Variants in EIF2D observed in about 807,000 individuals in gnomAD.
EIF2D encodes the protein eukaryotic translation initiation factor 2D.
A neutral mutation model predicts 77.4 loss-of-function variants in EIF2D; 56 were observed. The ratio of observed to expected loss-of-function variants is 0.72; its 90% CI spans 0.58 to 0.90. The LOEUF (loss-of-function observed/expected upper bound fraction) is 0.90. Ranked by LOEUF, EIF2D falls within the 40% of genes least tolerant of loss-of-function variation. The pLI, the probability that EIF2D is intolerant of heterozygous loss-of-function variation, is 0.00. For synonymous variants in EIF2D, 230 were observed against 271.0 expected (o/e 0.85, Z 1.49); for missense variants, 574 against 706.5 (o/e 0.81, Z 2.13).
intron 5 of EIF2D, among the ~76,000 whole-genome samples, chr1:206,603,947 A>G (rs547507210): frequency 7.0e-6 from 1 of 143,350 alleles, no homozygotes; most frequent in Admixed American, 7.2e-5. Context: ...AATACCATAA[A>G]TATTTTTTTC....
Position 206,599,937 on chromosome 1 carries a change from A to G in EIF2D, c.949-101T>C. On this transcript the variant is annotated intron_variant, in intron 8 of 14. Transcript: ENST00000271764. This position sits in a 1 kb window ranked among gnomAD's most constrained non-coding sequence, Gnocchi z 4.1. ...TGAGCTAGGCAGGGACTGTGCAGGG[A>G]TATGAGACAGCCCCTGCCTTCATCA... 2.6e-6 allele frequency: 3 copies of G among 1,134,070 alleles called. No individual in the cohort carries two copies. The highest frequency in any genetic ancestry group is 3.8e-6 in the Non-Finnish European group (3 of 782,384). The allele number at this position is 1,134,070 out of a possible 1,614,324, so 70.3% of individuals were successfully genotyped here.
rs1308763452 is a variant in EIF2D, at chr1:206,602,237, C to T, written c.902+99G>A. The T allele has an allele frequency of 8.0e-6, 7 of 875,178 alleles. No homozygotes were observed. In the African/African-American group the frequency reaches 1.2e-4, roughly 15 times the overall value. 54.2% of individuals were successfully genotyped at this position (875,178 alleles called of 1,614,324 possible). On this transcript the variant is annotated intron_variant, in intron 7 of 14. Transcript: ENST00000271764. ...CCTCCACTCTTTCCACAGCATGTCC[C>T]TCAACCAGTCCCTGCATTGGCCCCA...
At chr1:206,612,001 C>T (rs1162645868) in intron 1 of EIF2D, among the ~76,000 whole-genome samples, 2 of 152,222 alleles carry the variant, frequency 1.3e-5, no homozygotes, top group African/African-American at 4.8e-5. Context: ...TGTATTCCTT[C>T]ACTTCTGCAT....
In EIF2D at chr1:206,599,589, T is replaced by C; in HGVS notation, c.1076A>G (p.Glu359Gly). The change falls in exon 10 of 15, where the codon GAG (glutamate) becomes GGG (glycine). Residue 359 changes from glutamate to glycine, a missense_variant. By Grantham distance (98) the Glu-to-Gly change is moderately conservative. Coordinates refer to ENST00000271764, the MANE Select transcript of EIF2D (RefSeq NM_006893.3). The surrounding 1 kb of genome is among the most constrained non-coding windows in gnomAD (Gnocchi z 4.1). Reference sequence around the variant, plus strand: ...GATAGTCTGGGAGGTCGGGGAGGGCTCGGGTATGACGAAAGATGTAATCCT... The same window carrying C: ...GATAGTCTGGGAGGTCGGGGAGGGCCCGGGTATGACGAAAGATGTAATCCT... Reference protein sequence around the residue: ...HPRITSFVIPEPSPTSQTIQE... With the variant: ...HPRITSFVIPGPSPTSQTIQE... The C allele has an allele frequency of 1.2e-6, 2 of 1,600,458 alleles. No homozygotes were observed. Among genetic ancestry groups the C allele is most frequent in the Non-Finnish European group, 1.7e-6 (2 of 1,173,386 alleles).
downstream of EIF2D, among the ~76,000 whole-genome samples, chr1:206,569,431 C>T (rs7555669): frequency 0.58 from 87,490 of 151,922 alleles, 25,495 homozygotes; most frequent in Middle Eastern, 0.67. Flanking sequence ...GAAGACATGG[C>T]AAATGTTTCT....
Position 206,584,575 on chromosome 1 carries a change from C to T in EIF2D, c.139-3413G>A, listed in dbSNP as rs1553407136. 6.2e-7 allele frequency: 1 copy of T among 1,614,224 alleles called. No homozygotes were observed. Among genetic ancestry groups the T allele is most frequent in the Non-Finnish European group, 8.5e-7 (1 of 1,180,042 alleles). Reference sequence around the variant, plus strand: ...ATGCCATCAAGCAGCTGCACATCAGCAGCACCACCACCGTCAGTGAGGTCA... The same window carrying T: ...ATGCCATCAAGCAGCTGCACATCAGTAGCACCACCACCGTCAGTGAGGTCA... On this transcript the variant is annotated intron_variant and NMD_transcript_variant, in intron 2 of 5. Coordinates refer to the EIF2D transcript ENST00000472709. The surrounding 1 kb of genome is among the most constrained non-coding windows in gnomAD (Gnocchi z 4.9).
intron 13 of EIF2D, chr1:206,595,328 T>C (rs1411295715): frequency 6.5e-6 from 1 of 154,700 alleles, no homozygotes; most frequent in Non-Finnish European, 1.4e-5. Context: ...CCCACAATTT[T>C]GTGTTGCCAA....
Position 206,600,336 on chromosome 1 carries a change from A to C in EIF2D, c.903-28T>G, listed in dbSNP as rs781926569. The C allele has an allele frequency of 7.5e-6, 12 of 1,609,582 alleles. No homozygotes were observed. The African/African-American group carries it at 1.6e-4, about 22-fold the overall frequency. ...GATGGCAGATGGAAAAGGCAAATTA[A>C]ACTAATGAGCAGTCATACTGGGACC... On this transcript the variant is annotated intron_variant, in intron 7 of 14. Transcript: ENST00000271764.
At chr1:206,590,931 C>T (rs1669321413), downstream of EIF2D, among the ~76,000 whole-genome samples, 2 of 152,144 alleles carry the variant, frequency 1.3e-5, no homozygotes, top group Admixed American at 6.5e-5. Context: ...GAGCAGGGAC[C>T]AGCGCAGTGG....
chr1:206,594,683 T>C (rs1669551345), intron 13 of EIF2D: 1 of 152,152 alleles, frequency 6.6e-6, no homozygotes, highest in Non-Finnish European at 1.5e-5. Flanking sequence ...AACCCCCAAC[T>C]ACATCCTCCC....
At chr1:206,583,222 C>T (rs782055209) in intron 2 of EIF2D, 10 of 1,294,594 alleles carry the variant, frequency 7.7e-6, no homozygotes, top group Non-Finnish European at 1.1e-5. Flanking sequence ...CCCTTTCTCA[C>T]CCTGAGAACT....
Position 206,592,823 on chromosome 1 carries a change from C to T in EIF2D, c.1684+796G>A, listed in dbSNP as rs1233831247. Among the ~76,000 whole-genome samples the T allele has an allele frequency of 1.3e-5, 2 of 152,150 alleles. No homozygotes were observed. Among genetic ancestry groups the T allele is most frequent in the African/African-American group, 4.8e-5 (2 of 41,430 alleles). On this transcript the variant is annotated intron_variant, in intron 14 of 14. Transcript: ENST00000271764. The surrounding 1 kb of genome is among the most constrained non-coding windows in gnomAD (Gnocchi z 4.7). Reference sequence around the variant, plus strand: ...AGTAGAAAGAACTTAGGCTTTAGGCCAGGCATGGTGGCTCAAGCCTGTAAT... The same window carrying T: ...AGTAGAAAGAACTTAGGCTTTAGGCTAGGCATGGTGGCTCAAGCCTGTAAT...
downstream of EIF2D, chr1:206,588,178 C>G (rs1669203291): frequency 6.5e-6 from 1 of 152,880 alleles, no homozygotes; most frequent in African/African-American, 2.4e-5. Context: ...TTGCCTGAAG[C>G]TCTGCTGCTG....
intron 4 of EIF2D, among the ~76,000 whole-genome samples, chr1:206,576,690 T>C (rs1217103301): frequency 1.3e-5 from 2 of 152,148 alleles, no homozygotes; most frequent in Non-Finnish European, 2.9e-5. Context: ...AGAAATTGCA[T>C]TGGGAAACTA....
chr1:206,587,544 C>G (rs1669168018), downstream of EIF2D: 1 of 161,864 alleles, frequency 6.2e-6, no homozygotes, highest in African/African-American at 2.4e-5. Flanking sequence ...AAGCTACTGG[C>G]CCCAGATGCT....
At chr1:206,605,127 A>G (rs782529187) in intron 5 of EIF2D, 4 of 270,208 alleles carry the variant, frequency 1.5e-5, no homozygotes, top group Non-Finnish European at 2.8e-5. Context: ...AAAAACGAGT[A>G]TCACTGTACT....
At chr1:206,605,365 G>C in intron 5 of EIF2D, 35 bp downstream of exon 5, 1 of 1,571,934 alleles carries the variant, frequency 6.4e-7, no homozygotes, top group Non-Finnish European at 8.7e-7. Context: ...CAGCTGCCCC[G>C]GTTCTCTGTA....
At chr1:206,582,199 A>G (rs1177949731) in intron 2 of EIF2D, among the ~76,000 whole-genome samples, 2 of 152,216 alleles carry the variant, frequency 1.3e-5, no homozygotes, top group Non-Finnish European at 2.9e-5. Context: ...ACTGAGGGAC[A>G]GTGGCTTCGA....
In EIF2D at chr1:206,591,711, A is replaced by AT; in HGVS notation, c.*63dup. 1.4e-6 allele frequency: 2 copies of AT among 1,457,728 alleles called. No individual in the cohort carries two copies. Among genetic ancestry groups the AT allele is most frequent in the Non-Finnish European group, 1.9e-6 (2 of 1,046,358 alleles). 90.3% of individuals were successfully genotyped at this position (1,457,728 alleles called of 1,614,324 possible). On this transcript the variant is annotated 3_prime_UTR_variant, in exon 15 of 15. Coordinates refer to ENST00000271764, the MANE Select transcript of EIF2D (RefSeq NM_006893.3). ...GTATTTGCAAAAGCTGAAAATGCTC[A>AT]TAAAAATTACCAGCCCAGAGCTTGG... is the stretch of plus-strand genomic sequence containing the variant.
Sources: allele counts gnomAD v4.1 joint callset (sites outside exome capture counted in the v4.1 genomes callset), GRCh38; gene constraint gnomAD v4.1.1; non-coding constraint Gnocchi (gnomAD v3.1); transcripts MANE v1.5; gene names NCBI Gene and HGNC (gene_info 2026-07-23, HGNC 2026-07-21).